The following PCDH9 variants were observed in gnomAD, a reference collection of about 807,000 sequenced individuals.
The protein encoded by PCDH9 is protocadherin 9.
In PCDH9, 24 loss-of-function variants were observed where a neutral mutation model predicts 70.6. The ratio of observed to expected loss-of-function variants is 0.34; its 90% CI spans 0.25 to 0.48. The LOEUF (loss-of-function observed/expected upper bound fraction) is 0.48, where lower values mean the gene tolerates loss of function less well. Among genes scored for constraint, PCDH9 ranks in the 20% least tolerant of loss-of-function variants. The pLI is 0.99. For missense variants in PCDH9, 1,281 were observed against 1,503.6 expected, an observed-to-expected ratio of 0.85 and a Z score of 2.45; for synonymous variants, 562 against 558.5, an observed-to-expected ratio of 1.01 and a Z score of -0.09.
At chr13:66,400,089 C>G (rs1957162788) in intron 4 of PCDH9, among the ~76,000 whole-genome samples, 1 of 152,206 alleles carries the variant, frequency 6.6e-6, no homozygotes. Context: ...TGCAGTAACT[C>G]AGGCCACTGC....
chr13:66,371,694 T>C (rs1254742592), intron 4 of PCDH9, among the ~76,000 whole-genome samples: 1 of 152,114 alleles, frequency 6.6e-6, no homozygotes, highest in African/African-American at 2.4e-5. Flanking sequence ...CTCTTAATTT[T>C]AAATTGAGCT....
chr13:66,477,379 A>G (rs1958750853), intron 4 of PCDH9, among the ~76,000 whole-genome samples: 1 of 152,164 alleles, frequency 6.6e-6, no homozygotes, highest in African/African-American at 2.4e-5. Context: ...TGGCATGTAC[A>G]TTATAAATGT....
intron 3 of PCDH9, among the ~76,000 whole-genome samples, chr13:66,672,074 G>T (rs894413793): frequency 3.3e-5 from 5 of 152,274 alleles, no homozygotes; most frequent in Admixed American, 6.5e-5. Flanking sequence ...CCAAAGTCTT[G>T]CTGCTTGTGC....
At chr13:66,858,331 CT>C in intron 3 of PCDH9, among the ~76,000 whole-genome samples, 1 of 152,174 alleles carries the variant, frequency 6.6e-6, no homozygotes, top group Non-Finnish European at 1.5e-5. Context: ...TCCTTATAAA[CT>C]TTGCTTAAAT....
At chr13:66,767,856 A>C (rs1229429820) in intron 3 of PCDH9, among the ~76,000 whole-genome samples, 2 of 152,082 alleles carry the variant, frequency 1.3e-5, no homozygotes, top group Non-Finnish European at 2.9e-5. Flanking sequence ...AACCATGTAA[A>C]TATTCCAGGC....
chr13:66,356,447 A>G (rs1956383767), intron 4 of PCDH9, among the ~76,000 whole-genome samples: 2 of 152,192 alleles, frequency 1.3e-5, no homozygotes, highest in South Asian at 2.1e-4. Context: ...TCTTTTCTAT[A>G]TACCCTCTCT....
At chr13:66,567,294 A>G (rs1183441406) in intron 4 of PCDH9, among the ~76,000 whole-genome samples, 1 of 152,192 alleles carries the variant, frequency 6.6e-6, no homozygotes, top group African/African-American at 2.4e-5. Flanking sequence ...CATATTTGAC[A>G]GTACCAGACT....
chr13:66,412,029 C>G (rs1452976041), intron 4 of PCDH9, among the ~76,000 whole-genome samples: 2 of 152,154 alleles, frequency 1.3e-5, no homozygotes, highest in African/African-American at 4.8e-5. Context: ...GAACATATAT[C>G]AACTAATTAC....
chr13:66,603,301 A>T (rs2077184335), intron 4 of PCDH9, among the ~76,000 whole-genome samples: 1 of 152,016 alleles, frequency 6.6e-6, no homozygotes, highest in African/African-American at 2.4e-5. Flanking sequence ...AACTTAAAGA[A>T]TGTGGCTACA....
At chr13:66,968,059 A>G (rs985557705) in intron 2 of PCDH9, among the ~76,000 whole-genome samples, 5 of 152,056 alleles carry the variant, frequency 3.3e-5, no homozygotes, top group African/African-American at 1.2e-4. Flanking sequence ...GAAAGAAGCT[A>G]CTTCATTACA....
intron 2 of PCDH9, among the ~76,000 whole-genome samples, chr13:66,926,271 C>A (rs962440636): frequency 3.3e-5 from 5 of 151,940 alleles, no homozygotes; most frequent in African/African-American, 1.2e-4. Context: ...AGCTGCAATG[C>A]CTGCAAGGTA....
chr13:66,691,627 T>C (rs2078487952), intron 3 of PCDH9, among the ~76,000 whole-genome samples: 1 of 152,174 alleles, frequency 6.6e-6, no homozygotes, highest in Admixed American at 6.5e-5. Context: ...TTATAATACC[T>C]GTCCTGATAT....
chr13:66,635,434 G>A (rs1163417191), intron 3 of PCDH9, among the ~76,000 whole-genome samples: 1 of 152,068 alleles, frequency 6.6e-6, no homozygotes, highest in Non-Finnish European at 1.5e-5. Context: ...GGCAAAGTTT[G>A]TATCAGAAAT....
chr13:67,110,912 A>G (rs2086647086), intron 2 of PCDH9, among the ~76,000 whole-genome samples: 1 of 152,204 alleles, frequency 6.6e-6, no homozygotes, highest in Admixed American at 6.5e-5. Context: ...AAATTATACA[A>G]ATTAATTGTT....
intron 2 of PCDH9, among the ~76,000 whole-genome samples, chr13:67,066,280 C>T (rs4421880): frequency 6.6e-6 from 1 of 152,002 alleles, no homozygotes; most frequent in Admixed American, 6.6e-5. Context: ...GTTGCCCAGG[C>T]TGGAGTGCAA....
chr13:67,030,593 C>G (rs954070352), intron 2 of PCDH9, among the ~76,000 whole-genome samples: 20 of 151,896 alleles, frequency 1.3e-4, no homozygotes, highest in Non-Finnish European at 2.6e-4. Flanking sequence ...CCTAAATACC[C>G]CAATTTGATC....
At chr13:66,980,132 C>CTATCT (rs199984557) in intron 2 of PCDH9, among the ~76,000 whole-genome samples, 1 of 150,062 alleles carries the variant, frequency 6.7e-6, no homozygotes, top group African/African-American at 2.5e-5. Flanking sequence ...ATCTATCTAT[C>CTATCT]ATCACTTCTG....
At chr13:67,051,535 G>A (rs1443290870) in intron 2 of PCDH9, among the ~76,000 whole-genome samples, 4 of 151,638 alleles carry the variant, frequency 2.6e-5, no homozygotes, top group Non-Finnish European at 4.4e-5. Flanking sequence ...TGGGATTACA[G>A]GTGCGTGCCA....
intron 4 of PCDH9, among the ~76,000 whole-genome samples, chr13:66,614,982 C>T (rs2077338330): frequency 6.6e-6 from 1 of 152,116 alleles, no homozygotes; most frequent in Non-Finnish European, 1.5e-5. Flanking sequence ...GGAGGCAGTA[C>T]CTTGTGGAAT....
Sources: gnomAD v4.1 joint callset for allele counts (sites outside exome capture counted in the v4.1 genomes callset) on GRCh38, gnomAD v4.1.1 for gene constraint, MANE v1.5 for transcripts, NCBI Gene and HGNC (gene_info 2026-07-23, HGNC 2026-07-21) for gene names.